Variants in MARCO observed in about 807,000 individuals in gnomAD.
MARCO encodes macrophage receptor with collagenous structure, also known as macrophage receptor MARCO.
In MARCO, 72 loss-of-function variants were observed where a neutral mutation model predicts 70.0. That is an observed-to-expected ratio of 1.03 (90% CI 0.85 to 1.25). MARCO has a LOEUF of 1.25. Among genes scored for constraint, MARCO ranks in the 50% most tolerant of loss-of-function variants. MARCO has a pLI of 0.00. For synonymous variants in MARCO, 273 were observed against 243.1 expected (o/e 1.12, Z -1.14); for missense variants, 696 against 659.3 (o/e 1.06, Z -0.61).
intron 1 of MARCO, among the ~76,000 whole-genome samples, chr2:118,958,704 G>T (rs1266968341): frequency 6.6e-6 from 1 of 151,916 alleles, no homozygotes; most frequent in Non-Finnish European, 1.5e-5. Context: ...GCCAAAACAA[G>T]ACTAAGCAAA....
At chr2:118,944,163 G>A (rs1241750743) in intron 1 of MARCO, among the ~76,000 whole-genome samples, 3 of 152,138 alleles carry the variant, frequency 2.0e-5, no homozygotes, top group Non-Finnish European at 4.4e-5. Context: ...CAGTGCAGGA[G>A]GATTCCTTGA....
intron 1 of MARCO, among the ~76,000 whole-genome samples, chr2:118,960,178 T>TTATGTAGA (rs1439075626): frequency 6.6e-6 from 1 of 151,932 alleles, no homozygotes; most frequent in African/African-American, 2.4e-5. Context: ...GTGGAATGGT[T>TTATGTAGA]TATGTAGATG....
chr2:118,979,341 G>A (rs979045216), intron 8 of MARCO, among the ~76,000 whole-genome samples: 1 of 152,180 alleles, frequency 6.6e-6, no homozygotes, highest in African/African-American at 2.4e-5. Flanking sequence ...GAAGTGCGTG[G>A]GCATGGGTTT....
rs531569914 is a variant in MARCO, at chr2:118,990,943, C to T, written c.1108+310C>T. ...AGGCAGAGGCTCCAGGCTCTACAGC[C>T]GCCATGGAGCTGTGCCCCTTCTGCT... On this transcript the variant is annotated intron_variant, in intron 13 of 16. Coordinates refer to ENST00000327097, the MANE Select transcript of MARCO (RefSeq NM_006770.4). 1.1e-3 allele frequency among the ~76,000 whole-genome samples: 166 copies of T among 152,242 alleles called. 1 individual carries two copies. Among genetic ancestry groups the T allele is most frequent in the Non-Finnish European group, 1.6e-3 (107 of 68,002 alleles).
chr2:118,982,556 GC>G (rs2104598230), intron 12 of MARCO, 146 bp downstream of exon 12: 1 of 765,298 alleles, frequency 1.3e-6, no homozygotes, highest in Non-Finnish European at 2.2e-6. Context: ...GGGGGCAGTT[GC>G]CCCTGCCAGG....
At chr2:118,963,855 A>G (rs1168574579) in intron 1 of MARCO, among the ~76,000 whole-genome samples, 1 of 152,164 alleles carries the variant, frequency 6.6e-6, no homozygotes, top group East Asian at 1.9e-4. Context: ...TACCGAAAGT[A>G]ATTATTGATA....
intron 1 of MARCO, among the ~76,000 whole-genome samples, chr2:118,962,517 T>C (rs4848528): frequency 0.12 from 18,540 of 152,098 alleles, 1,292 homozygotes; most frequent in South Asian, 0.27. Flanking sequence ...GTTCTCTGCT[T>C]GCCTTTTACT....
intron 1 of MARCO, among the ~76,000 whole-genome samples, chr2:118,963,889 T>A (rs950551781): frequency 6.6e-6 from 1 of 152,204 alleles, no homozygotes; most frequent in East Asian, 1.9e-4. Flanking sequence ...ATTGGCCATC[T>A]TATTGTGTGT....
At chr2:118,958,707 T>C (rs555247801) in intron 1 of MARCO, among the ~76,000 whole-genome samples, 1 of 152,204 alleles carries the variant, frequency 6.6e-6, no homozygotes, top group Non-Finnish European at 1.5e-5. Context: ...AAAACAAGAC[T>C]AAGCAAAAAG....
chr2:118,942,498 T>C, intron 1 of MARCO, 101 bp downstream of exon 1: 1 of 939,692 alleles, frequency 1.1e-6, no homozygotes, highest in Non-Finnish European at 1.7e-6. Context: ...AGGTTTGGCT[T>C]ATTGCTGCAT....
At chr2:118,951,901 C>G (rs528969841) in intron 1 of MARCO, among the ~76,000 whole-genome samples, 13 of 152,066 alleles carry the variant, frequency 8.5e-5, no homozygotes, top group African/African-American at 3.1e-4. Flanking sequence ...CTTTCTTCCT[C>G]TTTCTCTTTG....
intron 1 of MARCO, among the ~76,000 whole-genome samples, chr2:118,956,361 C>G (rs1417569051): frequency 6.6e-6 from 1 of 152,094 alleles, no homozygotes; most frequent in South Asian, 2.1e-4. Context: ...TCAGACAAAA[C>G]AATCTTTAAA....
intron 1 of MARCO, chr2:118,953,105 A>T (rs1679756706): frequency 6.6e-6 from 1 of 152,234 alleles, no homozygotes; most frequent in Non-Finnish European, 1.5e-5. Context: ...CCGATTTGCT[A>T]ATAGCCTACA....
At chr2:118,973,624 G>T (rs975822218) in intron 4 of MARCO, among the ~76,000 whole-genome samples, 4 of 152,208 alleles carry the variant, frequency 2.6e-5, no homozygotes, top group Admixed American at 6.5e-5. Context: ...TGTTGAAAAG[G>T]CTCCAGAGAC....
intron 4 of MARCO, among the ~76,000 whole-genome samples, chr2:118,971,749 G>A (rs922138721): frequency 1.3e-5 from 2 of 152,166 alleles, no homozygotes; most frequent in Admixed American, 1.3e-4. Flanking sequence ...CTTACTTAAA[G>A]AGGCTTCCTC....
At chr2:118,978,405 C>T (rs958411572) in intron 8 of MARCO, among the ~76,000 whole-genome samples, 23 of 152,164 alleles carry the variant, frequency 1.5e-4, no homozygotes, top group African/African-American at 5.6e-4. Context: ...GCAGGGAGGG[C>T]TCGAGGGTCT....
At chr2:118,949,642 G>T (rs1042444575) in intron 1 of MARCO, 1 of 14,078 alleles carries the variant, frequency 7.1e-5, no homozygotes, top group Non-Finnish European at 1.0e-4. Context: ...GGAAAGGAAA[G>T]GAAAAAGATA....
At chr2:118,957,126 G>A (rs1306613671) in intron 1 of MARCO, among the ~76,000 whole-genome samples, 2 of 151,844 alleles carry the variant, frequency 1.3e-5, no homozygotes, top group African/African-American at 4.8e-5. Context: ...CAGAAGAAAG[G>A]AAGTAACCAA....
intron 12 of MARCO, among the ~76,000 whole-genome samples, chr2:118,987,237 A>G (rs1029202094): frequency 1.3e-5 from 2 of 152,346 alleles, no homozygotes; most frequent in Middle Eastern, 3.4e-3. Context: ...AAGAAGAAAA[A>G]TCCAGCATTT....
Sources: allele counts gnomAD v4.1 joint callset (sites outside exome capture counted in the v4.1 genomes callset), GRCh38; gene constraint gnomAD v4.1.1; transcripts MANE v1.5; gene names NCBI Gene and HGNC (gene_info 2026-07-23, HGNC 2026-07-21).